Variants in COL6A3 observed in about 807,000 individuals in gnomAD.
COL6A3 encodes the protein collagen type VI alpha 3 chain, also known as collagen alpha-3(VI) chain.
In COL6A3, 137 loss-of-function variants were observed where a neutral mutation model predicts 274.1. That is an observed-to-expected ratio of 0.50 (90% CI 0.44 to 0.58). The LOEUF (loss-of-function observed/expected upper bound fraction) is 0.58, where lower values mean the gene tolerates loss of function less well. Ranked by LOEUF, COL6A3 falls within the 20% of genes least tolerant of loss-of-function variation. The probability of loss-of-function intolerance (pLI) is 0.00; values close to 1 mark genes in which losing one functional copy is unlikely to be tolerated. For synonymous variants in COL6A3, 1,650 were observed against 1,650.6 expected (o/e 1.00, Z 0.01); for missense variants, 3,950 against 4,124.9 (o/e 0.96, Z 1.16).
chr2:237,330,362 A>C (rs888841056), intron 42 of COL6A3, among the ~76,000 whole-genome samples: 10 of 152,230 alleles, frequency 6.6e-5, no homozygotes, highest in Non-Finnish European at 7.3e-5. Flanking sequence ...AACGAATGAA[A>C]GATCCACTGC....
chr2:237,333,697 C>T, intron 41 of COL6A3, 149 bp from the exon 42 acceptor site: 4 of 704,236 alleles, frequency 5.7e-6, no homozygotes, highest in East Asian at 2.7e-5. Flanking sequence ...GACACCTCTA[C>T]ATCCACGACT....
At position 237,374,434 on chromosome 2, in the gene COL6A3, C is replaced by A; in HGVS notation, c.3657G>T (p.Val1219=). 3.7e-6 allele frequency: 6 copies of A among 1,613,330 alleles called. No individual in the cohort carries two copies. Among genetic ancestry groups the A allele is most frequent in the Non-Finnish European group, 5.1e-6 (6 of 1,180,000 alleles). ...TACCTGGGCTCGGTAGAGGCTGCAA[C>A]ACCGGCTGCAGCCTGCTCAGCTCCT... is the stretch of plus-strand genomic sequence containing the variant. ...TREELSRLQP[V]LQPLPSPGVG... The change falls in exon 8 of 44, where the codon GTG becomes GTT. Residue 1219 remains valine (V), a synonymous_variant. Transcript: ENST00000295550. This position sits in a 1 kb window ranked among gnomAD's most constrained non-coding sequence, Gnocchi z 4.8.
Position 237,379,196 on chromosome 2 carries a change from C to A in COL6A3, c.1937G>T (p.Gly646Val). The stretch of plus-strand genomic sequence containing the variant: ...ATTGGTTTTTCCAACGTTGGCTGAT[C>A]CATCCAAAAGAAAGATGATATCCCT... ...NKRDIIFLLD[G>V]SANVGKTNFP... Residue 646 changes from glycine (G) to valine (V), a missense_variant, in exon 6 of 44, where the codon GGA becomes GTA. Around this residue, in one of 5 missense-constraint regions of COL6A3, gnomAD observed 1,934 missense variants for 1,984.3 expected, o/e 0.97. Coordinates refer to ENST00000295550, the MANE Select transcript of COL6A3 (RefSeq NM_004369.4). The A allele has an allele frequency of 6.2e-7, 1 of 1,614,144 alleles. No homozygotes were observed. Among genetic ancestry groups the A allele is most frequent in the Non-Finnish European group, 8.5e-7 (1 of 1,180,008 alleles).
chr2:237,375,058 C>T lies in COL6A3; in HGVS notation c.3071-38G>A, dbSNP rs1259624573. 3 of 1,610,982 alleles carry T rather than the reference C, an allele frequency of 1.9e-6. No homozygotes were observed. In the East Asian group the frequency reaches 6.7e-5, roughly 36 times the overall value. On this transcript the variant is annotated intron_variant, in intron 7 of 43. Coordinates refer to ENST00000295550, the MANE Select transcript of COL6A3 (RefSeq NM_004369.4). The stretch of plus-strand genomic sequence containing the variant: ...CAGCCTGGTAACTCACACAGGACAT[C>T]AGAGCAGCAATTTCATATCAACGAG...
intron 43 of COL6A3, 82 bp downstream of exon 43, chr2:237,325,478 C>T: frequency 7.1e-7 from 1 of 1,412,178 alleles, no homozygotes; most frequent in East Asian, 2.3e-5. Flanking sequence ...ATAATCATTG[C>T]ACTTCTAATA....
At chr2:237,328,886 A>T (rs1227520687) in intron 42 of COL6A3, 1 of 152,234 alleles carries the variant, frequency 6.6e-6, no homozygotes, top group East Asian at 1.9e-4. Flanking sequence ...CCCCAAAACA[A>T]GAAAATTCAA....
rs1377438406 is a variant in COL6A3 at position 237,324,039 on chromosome 2, A to G, written c.*735T>C. ...CAGGAAACTTTCAATATACTTTATT[A>G]AAAAGTTTCTTTGTATAAATTTCCT... On this transcript the variant is annotated 3_prime_UTR_variant, in exon 44 of 44. Transcript: ENST00000295550. 2 of 152,624 alleles carry G rather than the reference A, an allele frequency of 1.3e-5. No individual in the cohort carries two copies. Among genetic ancestry groups the G allele is most frequent in the Non-Finnish European group, 2.9e-5 (2 of 68,028 alleles). 9.5% of individuals were successfully genotyped at this position (152,624 alleles called of 1,614,324 possible).
At position 237,346,548 on chromosome 2, in the gene COL6A3, T is replaced by G. The variant is rs1574951790; in HGVS notation, c.7047A>C (p.Pro2349=). The G allele has an allele frequency of 6.2e-7, 1 of 1,614,000 alleles. No individual in the cohort carries two copies. The part of the protein sequence containing the change: ...IRGRRGNSGP[P]GIVGQKGDPG... ...GGTCTCCCTTCTGTCCAACTATCCC[T>G]GGAGGTCCCGAATTTCCCTAGAGGG... The change falls in exon 32 of 44, where the codon CCA becomes CCC. Residue 2349 remains proline (P), a synonymous_variant. Transcript: ENST00000295550.
Position 237,336,459 on chromosome 2 carries a change from T to G in COL6A3, c.8641A>C (p.Lys2881Gln), listed in dbSNP as rs1485359364. 3 of 1,614,074 alleles carry G rather than the reference T, an allele frequency of 1.9e-6. No individual in the cohort carries two copies. The African/African-American group carries it at 4.0e-5, about 22-fold the overall frequency. Residue 2881 changes from lysine to glutamine, a missense_variant, in exon 40 of 44, where the codon AAG becomes CAG. By Grantham distance (53) the Lys-to-Gln change is moderately conservative. Around this residue, in one of 5 missense-constraint regions of COL6A3, gnomAD observed 1,284 missense variants for 1,349.7 expected, o/e 0.95. Coordinates refer to ENST00000295550, the MANE Select transcript of COL6A3 (RefSeq NM_004369.4). Reference protein sequence around the residue: ...VTTTKPVTTTKPVTTTTKPVT... With the variant: ...VTTTKPVTTTQPVTTTTKPVT... The stretch of plus-strand genomic sequence containing the variant: ...GGCTTTGTTGTGGTGGTCACCGGCT[T>G]CGTCGTAGTCACCGGCTTCGTTGTC...
chr2:237,360,249 A>G, intron 16 of COL6A3, 90 bp from the exon 17 acceptor site: 1 of 1,262,194 alleles, frequency 7.9e-7, no homozygotes, highest in East Asian at 2.4e-5. Context: ...GGTACTGTGA[A>G]CAGCATGCAG....
In COL6A3 at chr2:237,407,419, T is replaced by C. The variant is rs1162368686; in HGVS notation, c.-31+6534A>G. Among the ~76,000 whole-genome samples, 1 of 152,136 alleles carries C rather than the reference T, an allele frequency of 6.6e-6. No individual in the cohort carries two copies. The highest frequency in any genetic ancestry group is 1.9e-4 in the East Asian group (1 of 5,190). The stretch of plus-strand genomic sequence containing the variant: ...ATTCGAGATCTTCAACTCTTCCTGG[T>C]AAAATCTAACAAAGCAACACCTGTT... On this transcript the variant is annotated intron_variant, in intron 1 of 43. Transcript: ENST00000295550. This position sits in a 1 kb window ranked among gnomAD's most constrained non-coding sequence, Gnocchi z 4.3.
chr2:237,354,761 G>T, intron 24 of COL6A3, 138 bp downstream of exon 24: 1 of 737,034 alleles, frequency 1.4e-6, no homozygotes, highest in Non-Finnish European at 2.2e-6. Context: ...TTTAACCTTG[G>T]CGAAATCAAC....
chr2:237,347,931 C>A, intron 30 of COL6A3, 62 bp from the exon 31 acceptor site: 1 of 1,494,190 alleles, frequency 6.7e-7, no homozygotes. Context: ...ACTGAGGGTC[C>A]GTGGGGTAAG....
In COL6A3 at chr2:237,413,335, A is replaced by T. The variant is rs1484773054; in HGVS notation, c.-31+618T>A. ...GGACAAAGTCTCCAATAGAGACTTC[A>T]GGTTCCTGGAAAGACGAAAGCTTGA... On this transcript the variant is annotated intron_variant, in intron 1 of 43. Transcript: ENST00000295550. The surrounding 1 kb of genome is among the most constrained non-coding windows in gnomAD (Gnocchi z 4.0). Among the ~76,000 whole-genome samples the T allele has an allele frequency of 6.6e-6, 1 of 152,230 alleles. No homozygotes were observed.
At chr2:237,393,541 G>A (rs1179864378) in intron 3 of COL6A3, among the ~76,000 whole-genome samples, 1 of 151,992 alleles carries the variant, frequency 6.6e-6, no homozygotes, top group African/African-American at 2.4e-5. Context: ...CTCCTTTCTG[G>A]AGCTCAACTC....
intron 26 of COL6A3, among the ~76,000 whole-genome samples, chr2:237,352,181 A>T (rs2077220780): frequency 6.6e-6 from 1 of 152,224 alleles, no homozygotes; most frequent in Non-Finnish European, 1.5e-5. Context: ...TCCAGGGACC[A>T]AAGGGGAAAC....
chr2:237,375,053 G>T (rs746833736), intron 7 of COL6A3, 33 bp from the exon 8 acceptor site: 3 of 1,611,566 alleles, frequency 1.9e-6, no homozygotes, highest in Non-Finnish European at 8.5e-7. Context: ...ACTCACACAG[G>T]ACATCAGAGC....
At chr2:237,378,105 C>T (rs774680931) in intron 6 of COL6A3, among the ~76,000 whole-genome samples, 4 of 152,152 alleles carry the variant, frequency 2.6e-5, no homozygotes, top group African/African-American at 4.8e-5. Context: ...ATCTTACCAC[C>T]ATAATAATTT....
At chr2:237,350,968 G>A (rs997058443) in intron 27 of COL6A3, among the ~76,000 whole-genome samples, 162 bp downstream of exon 27, 1 of 152,310 alleles carries the variant, frequency 6.6e-6, no homozygotes, top group South Asian at 2.1e-4. Flanking sequence ...ATTGTTGGGG[G>A]ACAATGATTC....
Sources: gnomAD v4.1 joint callset for allele counts (sites outside exome capture counted in the v4.1 genomes callset) on GRCh38, gnomAD v4.1.1 for gene constraint, gnomAD v4.1.1 regional missense constraint, Gnocchi (gnomAD v3.1) non-coding constraint, MANE v1.5 for transcripts, NCBI Gene and HGNC (gene_info 2026-07-23, HGNC 2026-07-21) for gene names.